PALLD: variants seen among roughly 807,000 people sequenced by gnomAD.
PALLD encodes the protein palladin.
In PALLD, 61 loss-of-function variants were observed where a neutral mutation model predicts 123.5. The ratio of observed to expected loss-of-function variants is 0.49; its 90% CI spans 0.40 to 0.61. The LOEUF (loss-of-function observed/expected upper bound fraction) is 0.61. Among genes scored for constraint, PALLD ranks in the 20% least tolerant of loss-of-function variants. PALLD has a pLI of 0.00. For missense variants in PALLD, 1,273 were observed against 1,377.0 expected (o/e 0.92, Z 1.20); for synonymous variants, 465 against 496.4 (o/e 0.94, Z 0.84).
At chr4:168,728,989 T>C (rs1786880610) in intron 10 of PALLD, among the ~76,000 whole-genome samples, 1 of 152,228 alleles carries the variant, frequency 6.6e-6, no homozygotes, top group Non-Finnish European at 1.5e-5. Flanking sequence ...GATGAAGTTC[T>C]GTTTTAACTC....
intron 10 of PALLD, among the ~76,000 whole-genome samples, chr4:168,834,505 G>A (rs533878067): frequency 9.0e-4 from 137 of 152,236 alleles, no homozygotes; most frequent in African/African-American, 3.1e-3. Flanking sequence ...TTGGGAGGCC[G>A]AGGCGGGCAG....
intron 10 of PALLD, among the ~76,000 whole-genome samples, chr4:168,715,703 T>C (rs973724991): frequency 9.9e-5 from 15 of 152,118 alleles, no homozygotes; most frequent in South Asian, 4.1e-4. Context: ...GTAATCCCAG[T>C]ACTTTGGAAG....
chr4:168,697,151 C>T (rs1459066366), intron 8 of PALLD, among the ~76,000 whole-genome samples: 1 of 152,172 alleles, frequency 6.6e-6, no homozygotes, highest in Non-Finnish European at 1.5e-5. Flanking sequence ...GACAATGAAG[C>T]AAGAACTTCA....
chr4:168,710,660 T>C (rs1260699232), intron 9 of PALLD, among the ~76,000 whole-genome samples: 2 of 152,170 alleles, frequency 1.3e-5, no homozygotes, highest in Non-Finnish European at 2.9e-5. Context: ...ATGACTACTG[T>C]AAGTGCTGAA....
Position 168,712,056 on chromosome 4 carries a change from T to G in PALLD, c.1964+133T>G, listed in dbSNP as rs1784884666. 6.8e-6 allele frequency: 5 copies of G among 731,334 alleles called. No homozygotes were observed. The Admixed American group carries it at 1.0e-4, about 15-fold the overall frequency. The allele number at this position is 731,334 out of a possible 1,614,324, so 45.3% of individuals were successfully genotyped here. ...TGACTCATGGGACCTTGCTGCCAAG[T>G]GGTGTCTTTCAACAATATAAAAGAC... On this transcript the variant is annotated intron_variant, in intron 10 of 21. Transcript: ENST00000505667.
chr4:168,744,976 G>A (rs997217194), intron 10 of PALLD, among the ~76,000 whole-genome samples: 2 of 152,114 alleles, frequency 1.3e-5, no homozygotes, highest in South Asian at 2.1e-4. Context: ...AGTTTATTGG[G>A]CCATAACCCC....
At position 168,847,795 on chromosome 4, in the gene PALLD, C is replaced by T. The variant is rs375609322; in HGVS notation, c.1965-43127C>T. On this transcript the variant is annotated intron_variant, in intron 10 of 21. Coordinates refer to ENST00000505667, the MANE Select transcript of PALLD (RefSeq NM_001166108.2). ...GTATCCATCACCTCAAGCACTTATCCTTTGTATTACAAACAATCCAGTTAT... is the reference window on the plus strand; with the variant it reads ...GTATCCATCACCTCAAGCACTTATCTTTTGTATTACAAACAATCCAGTTAT... Among the ~76,000 whole-genome samples the T allele has an allele frequency of 1.1e-4, 17 of 151,972 alleles. No homozygotes were observed. The East Asian group carries it at 2.9e-3, about 26-fold the overall frequency.
intron 2 of PALLD, among the ~76,000 whole-genome samples, chr4:168,645,421 G>A (rs892358781): frequency 1.3e-5 from 2 of 152,160 alleles, no homozygotes; most frequent in East Asian, 1.9e-4. Flanking sequence ...TGCGAACAGC[G>A]TCGTGCCATC....
intron 10 of PALLD, among the ~76,000 whole-genome samples, chr4:168,785,058 C>CTTTTTTTTTTTTTTTTTTTTTTTTTTT: frequency 1.2e-5 from 1 of 84,830 alleles, no homozygotes; most frequent in Non-Finnish European, 2.0e-5. Flanking sequence ...CTCCCTTTTG[C>CTTTTTTTTTTTTTTTTTTTTTTTTTTT]TTTTTTTTTT....
At chr4:168,629,017 ATTTT>A (rs550846487) in intron 2 of PALLD, among the ~76,000 whole-genome samples, 1 of 139,914 alleles carries the variant, frequency 7.1e-6, no homozygotes, top group Non-Finnish European at 1.6e-5. Context: ...TGCCTATAGT[ATTTT>A]TTTTTTTTTT....
At chr4:168,895,219 T>TA (rs2151221988) in intron 12 of PALLD, among the ~76,000 whole-genome samples, 1 of 152,090 alleles carries the variant, frequency 6.6e-6, no homozygotes, top group Non-Finnish European at 1.5e-5. Context: ...CCGTCTCTAC[T>TA]AAAAATACAA....
At chr4:168,813,105 TG>T (rs11405937) in intron 10 of PALLD, among the ~76,000 whole-genome samples, 2 of 151,144 alleles carry the variant, frequency 1.3e-5, no homozygotes, top group African/African-American at 4.9e-5. Flanking sequence ...AACGTACTTT[TG>T]GGGGGGGCGG....
chr4:168,689,620 G>C (rs984434201), intron 6 of PALLD, among the ~76,000 whole-genome samples: 3 of 151,190 alleles, frequency 2.0e-5, no homozygotes, highest in African/African-American at 7.3e-5. Context: ...GCTAATTTTT[G>C]TATTTTTAGT....
chr4:168,914,081 G>A, intron 16 of PALLD, 60 bp downstream of exon 16: 2 of 1,006,922 alleles, frequency 2.0e-6, no homozygotes, highest in Non-Finnish European at 3.1e-6. Context: ...TATAAATGTA[G>A]TACTATTAGA....
At chr4:168,819,537 G>A (rs1742425401) in intron 10 of PALLD, among the ~76,000 whole-genome samples, 1 of 152,184 alleles carries the variant, frequency 6.6e-6, no homozygotes. Flanking sequence ...CTGACATTGA[G>A]ATCACATAAT....
intron 2 of PALLD, among the ~76,000 whole-genome samples, chr4:168,628,716 G>A (rs1158764499): frequency 2.0e-5 from 3 of 152,152 alleles, no homozygotes; most frequent in Admixed American, 1.3e-4. Context: ...CTTGCTCAGT[G>A]TGTTCAACTG....
chr4:168,734,499 G>C (rs1169731631), intron 10 of PALLD, among the ~76,000 whole-genome samples: 1 of 152,150 alleles, frequency 6.6e-6, no homozygotes, highest in Non-Finnish European at 1.5e-5. Flanking sequence ...GCACGTAGTT[G>C]CCAATTTTCT....
chr4:168,714,680 G>C (rs1037336229), intron 10 of PALLD, among the ~76,000 whole-genome samples: 1 of 152,090 alleles, frequency 6.6e-6, no homozygotes, highest in Non-Finnish European at 1.5e-5. Flanking sequence ...AAAAGGAAAG[G>C]CTTATATTTG....
At chr4:168,698,220 G>T (rs1361964329) in intron 8 of PALLD, among the ~76,000 whole-genome samples, 1 of 152,148 alleles carries the variant, frequency 6.6e-6, no homozygotes, top group Non-Finnish European at 1.5e-5. Flanking sequence ...GAGAGGCTGT[G>T]GGGGGAGATG....
Sources: gnomAD v4.1 joint callset for allele counts (sites outside exome capture counted in the v4.1 genomes callset) on GRCh38, gnomAD v4.1.1 for gene constraint, MANE v1.5 for transcripts, NCBI Gene and HGNC (gene_info 2026-07-23, HGNC 2026-07-21) for gene names.